The following FBLN5 variants were observed in gnomAD, a reference collection of about 807,000 sequenced individuals.
The protein encoded by FBLN5 is fibulin 5.
FBLN5 carries 24 observed loss-of-function variants against 61.6 expected under a neutral mutation model. The observed-to-expected ratio is 0.39, with a 90% CI of 0.28 to 0.55. The LOEUF is 0.55. Ranked by LOEUF, FBLN5 falls within the 20% of genes least tolerant of loss-of-function variation. The probability of loss-of-function intolerance (pLI) is 0.65; values close to 1 mark genes in which losing one functional copy is unlikely to be tolerated. For synonymous variants in FBLN5, 213 were observed against 219.8 expected (o/e 0.97, Z 0.27); for missense variants, 470 against 594.1 (o/e 0.79, Z 2.17).
At chr14:91,934,481 G>A (rs1595345312) in intron 4 of FBLN5, among the ~76,000 whole-genome samples, 1 of 152,190 alleles carries the variant, frequency 6.6e-6, no homozygotes. Context: ...CCTAGCACAC[G>A]AGTTCTATCC....
chr14:91,915,509 C>A (rs1891153514), intron 4 of FBLN5, among the ~76,000 whole-genome samples: 2 of 151,766 alleles, frequency 1.3e-5, no homozygotes, highest in Middle Eastern at 3.4e-3. Context: ...TATGGTGAAA[C>A]CCCGTCTCTA....
intron 4 of FBLN5, among the ~76,000 whole-genome samples, chr14:91,918,585 G>C (rs2055670254): frequency 6.6e-6 from 1 of 152,202 alleles, no homozygotes; most frequent in East Asian, 1.9e-4. Flanking sequence ...GGCCAAACAA[G>C]GATGGAAGGA....
At chr14:91,894,897 C>T in intron 5 of FBLN5, 53 bp downstream of exon 5, 2 of 1,600,012 alleles carry the variant, frequency 1.2e-6, no homozygotes, top group South Asian at 1.1e-5. Flanking sequence ...CAAAATGCCC[C>T]TGGCAACCGT....
chr14:91,870,104 G>A lies in FBLN5; in HGVS notation c.*120C>T, dbSNP rs1566795261. 4 of 1,083,124 alleles carry A rather than the reference G, an allele frequency of 3.7e-6. No homozygotes were observed. Among genetic ancestry groups the A allele is most frequent in the East Asian group, 2.5e-5 (1 of 40,232 alleles). 67.1% of individuals were successfully genotyped at this position (1,083,124 alleles called of 1,614,324 possible). Reference sequence around the variant, plus strand: ...TCAGGAAGTCGGGGCTGACTCTTCGGGGAAACGTTCAGCAGGAAATGCCTA... The same window carrying A: ...TCAGGAAGTCGGGGCTGACTCTTCGAGGAAACGTTCAGCAGGAAATGCCTA... On this transcript the variant is annotated 3_prime_UTR_variant, in exon 11 of 11. Transcript: ENST00000342058.
chr14:91,887,083 G>A (rs1254422537), intron 7 of FBLN5, 110 bp downstream of exon 7: 7 of 1,233,622 alleles, frequency 5.7e-6, no homozygotes, highest in Non-Finnish European at 8.3e-6. Context: ...TCCCAAACTG[G>A]ACATGTGTCC....
At chr14:91,939,411 C>T (rs1180796501) in intron 3 of FBLN5, among the ~76,000 whole-genome samples, 1 of 149,518 alleles carries the variant, frequency 6.7e-6, no homozygotes, top group Non-Finnish European at 1.5e-5. Flanking sequence ...GCGATCTCAG[C>T]TCATTGCAAC....
chr14:91,915,476 G>C (rs1021242996), intron 4 of FBLN5, among the ~76,000 whole-genome samples: 1 of 151,866 alleles, frequency 6.6e-6, no homozygotes, highest in Non-Finnish European at 1.5e-5. Flanking sequence ...ACGAGGTCAG[G>C]AGATCGAGAC....
chr14:91,902,934 G>A (rs1275441755), intron 4 of FBLN5, among the ~76,000 whole-genome samples: 3 of 152,140 alleles, frequency 2.0e-5, no homozygotes, highest in Non-Finnish European at 2.9e-5. Context: ...ACTAGAGGAG[G>A]AAGGGAGGGA....
In FBLN5 at chr14:91,940,546, G is replaced by C; in HGVS notation, c.124+19C>G. On this transcript the variant is annotated intron_variant, in intron 3 of 10. Coordinates refer to ENST00000342058, the MANE Select transcript of FBLN5 (RefSeq NM_006329.4). ...GCTGAATGCCTCCACCCCAATGAAG[G>C]ATCCACAGTGGCTCATACCTAAACA... 1 of 1,609,010 alleles carries C rather than the reference G, an allele frequency of 6.2e-7. No individual in the cohort carries two copies. The highest frequency in any genetic ancestry group is 8.5e-7 in the Non-Finnish European group (1 of 1,175,744).
rs377190766 is a variant in FBLN5, at chr14:91,886,126, T to C, written c.739+1067A>G. On this transcript the variant is annotated intron_variant, in intron 7 of 10. Transcript: ENST00000342058. ...AGTTCCTGTTACAATAAAACCCGGATTAGGAAACTTTCCATTCTGCAGGAC... is the reference window on the plus strand; with the variant it reads ...AGTTCCTGTTACAATAAAACCCGGACTAGGAAACTTTCCATTCTGCAGGAC... 9.2e-5 allele frequency among the ~76,000 whole-genome samples: 14 copies of C among 152,350 alleles called. No homozygotes were observed. In the East Asian group the frequency reaches 2.5e-3, roughly 27 times the overall value.
Position 91,908,083 on chromosome 14 carries a change from G to A in FBLN5, c.380-13011C>T, listed in dbSNP as rs940760300. Among the ~76,000 whole-genome samples the A allele has an allele frequency of 2.0e-5, 3 of 152,278 alleles. No homozygotes were observed. The East Asian group carries it at 5.8e-4, about 29-fold the overall frequency. On this transcript the variant is annotated intron_variant, in intron 4 of 10. Transcript: ENST00000342058. The stretch of plus-strand genomic sequence containing the variant: ...CTGATCAATTGGGTTCTTAATAAAT[G>A]CTTTTCCAATCAGTGTTAGCAGTAG...
At chr14:91,892,929 G>A (rs1207172902) in intron 5 of FBLN5, among the ~76,000 whole-genome samples, 2 of 152,208 alleles carry the variant, frequency 1.3e-5, no homozygotes, top group African/African-American at 2.4e-5. Context: ...TGGGCCACAT[G>A]GTACCATGCT....
intron 4 of FBLN5, among the ~76,000 whole-genome samples, chr14:91,915,708 AAAAG>A: frequency 6.6e-6 from 1 of 150,540 alleles, no homozygotes; most frequent in Admixed American, 6.6e-5. Flanking sequence ...AAAAAAAAAA[AAAAG>A]AAATCATATC....
intron 4 of FBLN5, among the ~76,000 whole-genome samples, chr14:91,913,535 C>A (rs1202859878): frequency 1.3e-5 from 2 of 152,186 alleles, no homozygotes; most frequent in South Asian, 4.1e-4. Context: ...GAGTGAGCAG[C>A]ATAGAAGACA....
At chr14:91,909,709 C>T (rs1890839585) in intron 4 of FBLN5, among the ~76,000 whole-genome samples, 1 of 152,166 alleles carries the variant, frequency 6.6e-6, no homozygotes, top group Non-Finnish European at 1.5e-5. Context: ...CCACCAGATG[C>T]TGGCACCATG....
chr14:91,890,836 G>C (rs114556218), intron 6 of FBLN5, among the ~76,000 whole-genome samples: 1 of 152,120 alleles, frequency 6.6e-6, no homozygotes, highest in Non-Finnish European at 1.5e-5. Context: ...TGGAGGGCCA[G>C]GGACCCTGAC....
intron 4 of FBLN5, among the ~76,000 whole-genome samples, chr14:91,900,984 C>G (rs150831745): frequency 6.6e-6 from 1 of 152,186 alleles, no homozygotes; most frequent in Admixed American, 6.5e-5. Context: ...GACTTCTCCC[C>G]CTTGAGCCCC....
intron 9 of FBLN5, among the ~76,000 whole-genome samples, chr14:91,879,181 AG>A (rs1330058196): frequency 6.6e-6 from 1 of 152,208 alleles, no homozygotes; most frequent in African/African-American, 2.4e-5. Flanking sequence ...TCCTAAAAGA[AG>A]TTTGGAGGAG....
At chr14:91,903,837 G>T (rs1197672578) in intron 4 of FBLN5, among the ~76,000 whole-genome samples, 1 of 152,046 alleles carries the variant, frequency 6.6e-6, no homozygotes, top group African/African-American at 2.4e-5. Flanking sequence ...CTACCCCAAA[G>T]ACTCCAGGTC....
Sources: gnomAD v4.1 joint callset for allele counts (sites outside exome capture counted in the v4.1 genomes callset) on GRCh38, gnomAD v4.1.1 for gene constraint, MANE v1.5 for transcripts, NCBI Gene and HGNC (gene_info 2026-07-23, HGNC 2026-07-21) for gene names.